WWOX: variants seen among roughly 807,000 people sequenced by gnomAD.
WWOX encodes WW domain-containing oxidoreductase.
In WWOX, 69 loss-of-function variants were observed where a neutral mutation model predicts 46.2. That is an observed-to-expected ratio of 1.49 (90% CI 1.23 to 1.82). The LOEUF (loss-of-function observed/expected upper bound fraction) is 1.82, where lower values mean the gene tolerates loss of function less well. WWOX is among the 40% of genes most tolerant of loss of function. The pLI, the probability that WWOX is intolerant of heterozygous loss-of-function variation, is 0.00. For missense variants in WWOX, 919 were observed against 542.6 expected (o/e 1.69, Z -6.89); for synonymous variants, 359 against 202.6 (o/e 1.77, Z -6.56).
At chr16:79,059,028 T>G (rs1054221377) in intron 8 of WWOX, among the ~76,000 whole-genome samples, 1 of 152,226 alleles carries the variant, frequency 6.6e-6, no homozygotes, top group African/African-American at 2.4e-5. Flanking sequence ...TCAATAATAC[T>G]CTGATTTCTG....
Position 78,648,651 on chromosome 16 carries a change from C to T in WWOX, c.1056+215899C>T, listed in dbSNP as rs150531172. On this transcript the variant is annotated intron_variant, in intron 8 of 8. Transcript: ENST00000566780. The stretch of plus-strand genomic sequence containing the variant: ...ACATATGCTCCCCAAACCAATCATA[C>T]AGGATGTCCTGGTCTAGGGAGCCCA... Among the ~76,000 whole-genome samples, 169 of 152,296 alleles carry T rather than the reference C, an allele frequency of 1.1e-3. No individual in the cohort carries two copies. In the East Asian group the frequency reaches 0.026, roughly 24 times the overall value.
intron 8 of WWOX, among the ~76,000 whole-genome samples, chr16:79,121,225 C>A (rs1029177073): frequency 1.2e-4 from 19 of 152,158 alleles, no homozygotes; most frequent in Non-Finnish European, 2.5e-4. Context: ...CATGGGTATC[C>A]TCTGGGGCAG....
chr16:78,403,805 C>G (rs1200283061), intron 6 of WWOX, among the ~76,000 whole-genome samples: 4 of 152,216 alleles, frequency 2.6e-5, no homozygotes, highest in Non-Finnish European at 4.4e-5. Flanking sequence ...ACTGCCAGCT[C>G]TAGCCCTTCA....
chr16:78,896,577 A>T (rs963561355), intron 8 of WWOX: 1 of 152,196 alleles, frequency 6.6e-6, no homozygotes, highest in African/African-American at 2.4e-5. Context: ...GGGACATATG[A>T]CACTGAAGCC....
chr16:78,753,983 G>A (rs1347823346), intron 8 of WWOX, among the ~76,000 whole-genome samples: 1 of 150,044 alleles, frequency 6.7e-6, no homozygotes, highest in South Asian at 2.1e-4. Context: ...TCCATCTCAA[G>A]AAAAGAGATA....
chr16:78,467,817 C>T (rs7196402), intron 8 of WWOX, among the ~76,000 whole-genome samples: 1,853 of 152,282 alleles, frequency 0.012, 29 homozygotes, highest in African/African-American at 0.041. Context: ...GAAGAACATA[C>T]TTCATACAAA....
chr16:78,700,387 C>A (rs1424572991), intron 8 of WWOX, among the ~76,000 whole-genome samples: 1 of 150,532 alleles, frequency 6.6e-6, no homozygotes, highest in Non-Finnish European at 1.5e-5. Flanking sequence ...GTCTTTCATT[C>A]ATGAGAACTC....
chr16:78,264,815 C>T (rs1156613296), intron 5 of WWOX: 1 of 152,660 alleles, frequency 6.6e-6, no homozygotes, highest in African/African-American at 2.4e-5. Context: ...ATGGAGCCCT[C>T]ATTAGACGCC....
At chr16:78,211,238 G>T (rs187399331) in intron 5 of WWOX, among the ~76,000 whole-genome samples, 1 of 152,308 alleles carries the variant, frequency 6.6e-6, no homozygotes, top group East Asian at 1.9e-4. Flanking sequence ...TACTTCTCAA[G>T]AAGGCGATGG....
chr16:78,115,246 T>C, intron 4 of WWOX, 92 bp downstream of exon 4: 2 of 1,439,514 alleles, frequency 1.4e-6, no homozygotes, highest in Non-Finnish European at 1.9e-6. Flanking sequence ...AGTGGTTCTC[T>C]GATTTAAACA....
chr16:79,090,282 T>TGTGTGC (rs1567542800), intron 8 of WWOX, among the ~76,000 whole-genome samples: 2 of 87,610 alleles, frequency 2.3e-5, no homozygotes, highest in African/African-American at 1.4e-4. Flanking sequence ...ACTGTGTGCG[T>TGTGTGC]GTGTGTGTGT....
chr16:78,586,683 C>G (rs1485245817), intron 8 of WWOX, among the ~76,000 whole-genome samples: 2 of 152,156 alleles, frequency 1.3e-5, no homozygotes, highest in Non-Finnish European at 2.9e-5. Flanking sequence ...TAGGATTTTG[C>G]TAAATCTTTC....
intron 8 of WWOX, among the ~76,000 whole-genome samples, chr16:78,769,425 T>C (rs1489880331): frequency 6.6e-6 from 1 of 152,102 alleles, no homozygotes; most frequent in Non-Finnish European, 1.5e-5. Context: ...GTTGTAGCCA[T>C]TGGGGACATC....
intron 8 of WWOX, among the ~76,000 whole-genome samples, chr16:79,165,924 A>G (rs1372772176): frequency 6.6e-6 from 1 of 152,128 alleles, no homozygotes; most frequent in Admixed American, 6.5e-5. Context: ...CAACTCAATT[A>G]CCAGCCCTCT....
chr16:79,115,839 C>A (rs2049505468), intron 8 of WWOX, among the ~76,000 whole-genome samples: 1 of 152,166 alleles, frequency 6.6e-6, no homozygotes, highest in Non-Finnish European at 1.5e-5. Flanking sequence ...GCTTTCGCCA[C>A]CCAATTCGGA....
intron 8 of WWOX, among the ~76,000 whole-genome samples, chr16:79,008,841 C>T (rs1356038923): frequency 1.3e-5 from 2 of 152,114 alleles, no homozygotes; most frequent in South Asian, 2.1e-4. Context: ...CCAGGGGGCC[C>T]CGATCAGGTG....
chr16:78,738,186 G>A (rs1597520695), intron 8 of WWOX, among the ~76,000 whole-genome samples: 1 of 152,132 alleles, frequency 6.6e-6, no homozygotes, highest in South Asian at 2.1e-4. Flanking sequence ...AAGTTCAGAA[G>A]GTTGTTACTG....
chr16:78,118,573 T>A (rs2032929894), intron 4 of WWOX, among the ~76,000 whole-genome samples: 2 of 152,174 alleles, frequency 1.3e-5, no homozygotes, highest in Admixed American at 6.5e-5. Context: ...CTACTGTTTG[T>A]GTATATTCAG....
At chr16:79,115,811 CAGAG>C (rs1384123045) in intron 8 of WWOX, among the ~76,000 whole-genome samples, 1 of 152,160 alleles carries the variant, frequency 6.6e-6, no homozygotes, top group African/African-American at 2.4e-5. Context: ...CTGAAGGAAA[CAGAG>C]AGCATATACA....
Sources: gnomAD v4.1 joint callset for allele counts (sites outside exome capture counted in the v4.1 genomes callset) on GRCh38, gnomAD v4.1.1 for gene constraint, MANE v1.5 for transcripts, NCBI Gene and HGNC (gene_info 2026-07-23, HGNC 2026-07-21) for gene names.